NPHP4: variants seen among roughly 807,000 people sequenced by gnomAD.
NPHP4 encodes nephrocystin-4.
Under a neutral mutation model 155.8 loss-of-function variants are expected in NPHP4, and 151 were observed. That is an observed-to-expected ratio of 0.97 (90% CI 0.85 to 1.11). The LOEUF (loss-of-function observed/expected upper bound fraction) is 1.11. Ranked by LOEUF, NPHP4 falls within the 50% of genes least tolerant of loss-of-function variation. The pLI is 0.00. For synonymous variants in NPHP4, 845 were observed against 816.8 expected, an observed-to-expected ratio of 1.03 and a Z score of -0.59; for missense variants, 1,956 against 1,925.7, an observed-to-expected ratio of 1.02 and a Z score of -0.29.
intron 19 of NPHP4, 37 bp downstream of exon 19, chr1:5,880,077 G>C: frequency 1.2e-6 from 2 of 1,610,492 alleles, no homozygotes; most frequent in Non-Finnish European, 1.7e-6. Flanking sequence ...CACCACTCAC[G>C]ACCCACCCAC....
At chr1:5,938,949 C>T (rs1300619915) in intron 9 of NPHP4, among the ~76,000 whole-genome samples, 3 of 152,088 alleles carry the variant, frequency 2.0e-5, no homozygotes, top group South Asian at 2.1e-4. Context: ...TTTTCATTGA[C>T]GGAAAATTAC....
At chr1:5,931,290 A>T in intron 10 of NPHP4, among the ~76,000 whole-genome samples, 1 of 152,096 alleles carries the variant, frequency 6.6e-6, no homozygotes, top group East Asian at 1.9e-4. Context: ...CTACAGGTTC[A>T]GTTCCAAACC....
intron 12 of NPHP4, 132 bp downstream of exon 12, chr1:5,909,020 C>T (rs1000019758): frequency 1.2e-5 from 9 of 769,686 alleles, no homozygotes; most frequent in African/African-American, 1.0e-4. Context: ...ACAGCCCCGC[C>T]GCCGCCAGCA....
rs1644821231 is a variant in NPHP4, at chr1:5,904,539, T to A, written c.2143+78A>T. 3.4e-6 allele frequency: 4 copies of A among 1,160,264 alleles called. No individual in the cohort carries two copies. In the Admixed American group the frequency reaches 7.3e-5, roughly 21 times the overall value. 71.9% of individuals were successfully genotyped at this position (1,160,264 alleles called of 1,614,324 possible). A position where few individuals can be genotyped will look rare whatever the true frequency, so the allele number is the denominator to read the frequency against. Reference sequence around the variant, plus strand: ...TGTTTTAAACTTTTCATAGTACCACTTATTTAATAACACTGACAATTTACA... The same window carrying A: ...TGTTTTAAACTTTTCATAGTACCACATATTTAATAACACTGACAATTTACA... On this transcript the variant is annotated intron_variant, in intron 16 of 29. Coordinates refer to ENST00000378156, the MANE Select transcript of NPHP4 (RefSeq NM_015102.5).
At chr1:5,941,215 G>C (rs145921436) in intron 9 of NPHP4, among the ~76,000 whole-genome samples, 2 of 147,352 alleles carry the variant, frequency 1.4e-5, no homozygotes, top group African/African-American at 5.0e-5. Flanking sequence ...TGAGTAAGTG[G>C]TAGTGGGACC....
intron 11 of NPHP4, among the ~76,000 whole-genome samples, chr1:5,925,329 TAC>T (rs1645943231): frequency 6.6e-6 from 1 of 152,208 alleles, no homozygotes; most frequent in Non-Finnish European, 1.5e-5. Flanking sequence ...TGATTTAAAG[TAC>T]AGAGGAGGAT....
At chr1:5,933,072 G>A in intron 10 of NPHP4, 75 bp downstream of exon 10, 1 of 1,204,178 alleles carries the variant, frequency 8.3e-7, no homozygotes, top group South Asian at 1.7e-5. Flanking sequence ...ACATATTTGT[G>A]AACTTTTGCT....
Position 5,905,399 on chromosome 1 carries a change from T to G in NPHP4, c.1848A>C (p.Pro616=), listed in dbSNP as rs1262789599. The G allele has an allele frequency of 1.9e-6, 3 of 1,613,400 alleles. No homozygotes were observed. Among genetic ancestry groups the G allele is most frequent in the Non-Finnish European group, 8.5e-7 (1 of 1,179,420 alleles). The change falls in exon 15 of 30, where the codon CCA becomes CCC. Residue 616 remains proline, a synonymous_variant. Coordinates refer to ENST00000378156, the MANE Select transcript of NPHP4 (RefSeq NM_015102.5). This position sits in a 1 kb window ranked among gnomAD's most constrained non-coding sequence, Gnocchi z 4.0. ...GTTCTGTAGCGCTGACAGCCTCGGC[T>G]GGCTGTTTATTGGCATCCAGAATCT... ...FPEILDANKQ[P]AEAVSATEPV... is the part of the protein sequence containing the mutation.
At chr1:5,958,402 A>C (rs896124319) in intron 6 of NPHP4, among the ~76,000 whole-genome samples, 1 of 152,130 alleles carries the variant, frequency 6.6e-6, no homozygotes, top group African/African-American at 2.4e-5. Flanking sequence ...AACATACAAA[A>C]ATTAGCTGGA....
At chr1:5,871,380 T>C (rs1641987738) in intron 23 of NPHP4, among the ~76,000 whole-genome samples, 1 of 152,210 alleles carries the variant, frequency 6.6e-6, no homozygotes, top group African/African-American at 2.4e-5. Context: ...GTGTCCATCA[T>C]GAGACGCCGC....
At chr1:5,971,251 G>A (rs1652507693) in intron 3 of NPHP4, among the ~76,000 whole-genome samples, 1 of 152,154 alleles carries the variant, frequency 6.6e-6, no homozygotes, top group African/African-American at 2.4e-5. Context: ...TCACTCTGAG[G>A]CCAAAAACAA....
At chr1:5,964,941 A>ATATATATATATATTTTTTTTTTTTTTTTT in intron 5 of NPHP4, among the ~76,000 whole-genome samples, 7 of 59,416 alleles carry the variant, frequency 1.2e-4, no homozygotes, top group African/African-American at 5.9e-4. Flanking sequence ...ATATATATAT[A>ATATATATATATATTTTTTTTTTTTTTTTT]TTTTTTTTTT....
At chr1:5,964,941 A>ATATATATATATATATTTTTTTTTTTTTT in intron 5 of NPHP4, among the ~76,000 whole-genome samples, 3 of 59,406 alleles carry the variant, frequency 5.0e-5, no homozygotes, top group African/African-American at 8.5e-5. Context: ...ATATATATAT[A>ATATATATATATATATTTTTTTTTTTTTT]TTTTTTTTTT....
intron 20 of NPHP4, among the ~76,000 whole-genome samples, chr1:5,875,782 C>T (rs1642533317): frequency 6.6e-6 from 1 of 152,244 alleles, no homozygotes; most frequent in Non-Finnish European, 1.5e-5. Flanking sequence ...GGGGAGTCAG[C>T]CAGCCTGCAG....
chr1:5,948,810 A>G, intron 7 of NPHP4, among the ~76,000 whole-genome samples: 1 of 152,234 alleles, frequency 6.6e-6, no homozygotes. Flanking sequence ...TCATAAACCA[A>G]TAAAAACAGA....
intron 6 of NPHP4, among the ~76,000 whole-genome samples, chr1:5,960,976 G>T (rs1650215721): frequency 6.6e-6 from 1 of 152,218 alleles, no homozygotes; most frequent in Admixed American, 6.5e-5. Flanking sequence ...GCAGAACATG[G>T]TCCATCCATA....
intron 4 of NPHP4, among the ~76,000 whole-genome samples, chr1:5,968,717 T>C (rs1289083927): frequency 1.3e-5 from 2 of 151,940 alleles, no homozygotes; most frequent in Non-Finnish European, 2.9e-5. Context: ...AGACGAGCAG[T>C]TAAACCACCA....
chr1:5,990,456 A>AG (rs1656067173), intron 1 of NPHP4, among the ~76,000 whole-genome samples: 1 of 152,124 alleles, frequency 6.6e-6, no homozygotes, highest in African/African-American at 2.4e-5. Context: ...GGAAAAAAAA[A>AG]AAGAAGAAGA....
intron 18 of NPHP4, among the ~76,000 whole-genome samples, chr1:5,884,885 A>G (rs1472954575): frequency 7.0e-6 from 1 of 142,164 alleles, no homozygotes; most frequent in Non-Finnish European, 1.5e-5. Context: ...CTACTCCACG[A>G]CCAAGATAAC....
Sources: allele counts gnomAD v4.1 joint callset (sites outside exome capture counted in the v4.1 genomes callset), GRCh38; gene constraint gnomAD v4.1.1; non-coding constraint Gnocchi (gnomAD v3.1); transcripts MANE v1.5; gene names NCBI Gene and HGNC (gene_info 2026-07-23, HGNC 2026-07-21).